ITPK1: variants seen among roughly 807,000 people sequenced by gnomAD.
ITPK1 encodes the protein inositol-tetrakisphosphate 1-kinase.
ITPK1 carries 21 observed loss-of-function variants against 45.3 expected under a neutral mutation model. That is an observed-to-expected ratio of 0.46 (90% CI 0.33 to 0.67). The LOEUF is 0.67. Ranked by LOEUF, ITPK1 falls within the 30% of genes least tolerant of loss-of-function variation. ITPK1 has a pLI of 0.02. For missense variants in ITPK1, 474 were observed against 573.5 expected, an observed-to-expected ratio of 0.83 and a Z score of 1.77; for synonymous variants, 258 against 253.6, an observed-to-expected ratio of 1.02 and a Z score of -0.16.
Position 92,946,464 on chromosome 14 carries a change from C to T in ITPK1, c.768G>A (p.Arg256=), listed in dbSNP as rs141695666. 8.1e-6 allele frequency: 13 copies of T among 1,612,712 alleles called. No individual in the cohort carries two copies. In the African/African-American group the frequency reaches 1.7e-4, roughly 22 times the overall value. ...ELDKIEGVFE[R]PSDEVIRELS... is the part of the protein sequence containing the mutation. ...GCTCCCGGATGACCTCGTCGCTCGG[C>T]CGCTCGAACACGCCCTCGATCTTGT... Residue 256 remains arginine (R), a synonymous_variant, in exon 10 of 11, where the codon CGG becomes CGA. Transcript: ENST00000267615.
At chr14:93,066,174 A>C (rs1890735579) in intron 3 of ITPK1, 1 of 448,244 alleles carries the variant, frequency 2.2e-6, no homozygotes. Context: ...CTCAGTCCTT[A>C]ATTCACTCAC....
At chr14:93,111,553 A>C (rs895282282) in intron 2 of ITPK1, among the ~76,000 whole-genome samples, 1 of 152,034 alleles carries the variant, frequency 6.6e-6, no homozygotes, top group Non-Finnish European at 1.5e-5. Flanking sequence ...TCCACTAAAA[A>C]TACAAAAATT....
chr14:93,018,917 C>T (rs1435764924), intron 3 of ITPK1, among the ~76,000 whole-genome samples: 1 of 152,232 alleles, frequency 6.6e-6, no homozygotes, highest in African/African-American at 2.4e-5. Context: ...CTGGGCTCAC[C>T]ATCCCCTGGG....
rs542886800 is a variant in ITPK1 at position 93,053,748 on chromosome 14, A to G, written c.120+22847T>C. 8.5e-5 allele frequency among the ~76,000 whole-genome samples: 13 copies of G among 152,338 alleles called. 1 individual carries two copies. In the South Asian group the frequency reaches 2.5e-3, roughly 29 times the overall value. ...CTGCATGTGTGTCAGGGTAGGGCAG[A>G]TACGGGAAGTCTCTGCACCTTCCTC... On this transcript the variant is annotated intron_variant, in intron 3 of 10. Transcript: ENST00000267615.
intron 2 of ITPK1, among the ~76,000 whole-genome samples, chr14:93,108,856 T>C (rs548942697): frequency 1.3e-5 from 2 of 152,178 alleles, no homozygotes; most frequent in Admixed American, 6.5e-5. Context: ...CTACTAAAAA[T>C]AGAAAAATTA....
intron 2 of ITPK1, among the ~76,000 whole-genome samples, chr14:93,083,592 G>A (rs1891529900): frequency 6.6e-6 from 1 of 152,118 alleles, no homozygotes; most frequent in African/African-American, 2.4e-5. Context: ...GCACCTCCAG[G>A]TACCAGGCAC....
At position 92,941,136 on chromosome 14, in the gene ITPK1, T is replaced by C. The variant is rs11160096; in HGVS notation, c.*425A>G. The stretch of plus-strand genomic sequence containing the variant: ...AGGCAGAAGGGAAGCCACTCTCACA[T>C]GCACCGATCAGCCTCCCACAGCCCG... On this transcript the variant is annotated 3_prime_UTR_variant, in exon 11 of 11. Coordinates refer to ENST00000267615, the MANE Select transcript of ITPK1 (RefSeq NM_014216.6). 0.77 allele frequency: 936,870 copies of C among 1,212,068 alleles called. 363,076 individuals are homozygous for C. The highest frequency in any genetic ancestry group is 0.93 in the East Asian group (17,319 of 18,598). 75.1% of individuals were successfully genotyped at this position (1,212,068 alleles called of 1,614,324 possible). A position where few individuals can be genotyped will look rare whatever the true frequency, so the allele number is the denominator to read the frequency against.
intron 2 of ITPK1, among the ~76,000 whole-genome samples, chr14:93,101,210 A>T (rs532478896): frequency 2.0e-5 from 3 of 152,318 alleles, no homozygotes; most frequent in Admixed American, 2.0e-4. Flanking sequence ...CGAAGCTGTC[A>T]GCCCAAAGCT....
chr14:93,054,696 G>A (rs866509703), intron 3 of ITPK1, among the ~76,000 whole-genome samples: 1 of 152,172 alleles, frequency 6.6e-6, no homozygotes, highest in African/African-American at 2.4e-5. Flanking sequence ...GAGAGCTTCA[G>A]GAGGGGCGGT....
intron 3 of ITPK1, among the ~76,000 whole-genome samples, chr14:93,030,429 T>G (rs1888978285): frequency 6.6e-6 from 1 of 152,024 alleles, no homozygotes; most frequent in Non-Finnish European, 1.5e-5. Context: ...TTCTTTTCTT[T>G]CTTTCATTCA....
rs764722690 is a variant in ITPK1 at position 92,941,827 on chromosome 14, T to C, written c.979A>G (p.Met327Val). The C allele has an allele frequency of 5.1e-5, 82 of 1,612,034 alleles. 2 individuals carry two copies. In the South Asian group the frequency reaches 7.7e-4, roughly 15 times the overall value. ...AGGGCCACGTCCCCTGTGGCTGCCATGGCTGTGCTCTGGCCCTGCAGGACA... is the reference window on the plus strand; with the variant it reads ...AGGGCCACGTCCCCTGTGGCTGCCACGGCTGTGCTCTGGCCCTGCAGGACA... ...ATVLQGQSTA[M>V]AATGDVALLR... is the part of the protein sequence containing the mutation. The change falls in exon 11 of 11, where the codon ATG becomes GTG. Residue 327 changes from methionine (M) to valine (V), a missense_variant. By Grantham distance (21) the Met-to-Val change is conservative (BLOSUM62 1). This residue lies in a region of ITPK1 where 367 missense variants were observed against 480.6 expected (regional missense o/e 0.76). Coordinates refer to ENST00000267615, the MANE Select transcript of ITPK1 (RefSeq NM_014216.6).
intron 10 of ITPK1, among the ~76,000 whole-genome samples, 183 bp from the exon 11 acceptor site, chr14:92,942,087 T>C (rs1887457370): frequency 6.6e-6 from 1 of 152,138 alleles, no homozygotes; most frequent in South Asian, 2.1e-4. Flanking sequence ...TCAAAAAGCT[T>C]GGACGCCCAA....
rs149842054 is a variant in ITPK1, at chr14:92,955,437, C to T, written c.670+2764G>A. Among the ~76,000 whole-genome samples the T allele has an allele frequency of 9.0e-3, 1,375 of 152,210 alleles. 16 individuals are homozygous for T. The highest frequency in any genetic ancestry group is 0.031 in the African/African-American group (1,286 of 41,520). ...CTGCGCTGCGTCCTCAGGGTAAAGA[C>T]GAGCAAGAAATAAACCCACTCTATA... On this transcript the variant is annotated intron_variant, in intron 8 of 10. Coordinates refer to ENST00000267615, the MANE Select transcript of ITPK1 (RefSeq NM_014216.6).
chr14:93,061,583 C>A (rs536570006), intron 3 of ITPK1, among the ~76,000 whole-genome samples: 1 of 152,198 alleles, frequency 6.6e-6, no homozygotes, highest in South Asian at 2.1e-4. Flanking sequence ...GATAACACAG[C>A]ATTCAAATCT....
rs11160096 is a variant in ITPK1 at position 92,941,136 on chromosome 14, T to A, written c.*425A>T. 2 of 1,212,580 alleles carry A rather than the reference T, an allele frequency of 1.6e-6. No homozygotes were observed. The highest frequency in any genetic ancestry group is 2.1e-6 in the Non-Finnish European group (2 of 957,892). 75.1% of individuals were successfully genotyped at this position (1,212,580 alleles called of 1,614,324 possible). A position where few individuals can be genotyped will look rare whatever the true frequency, so the allele number is the denominator to read the frequency against. ...AGGCAGAAGGGAAGCCACTCTCACATGCACCGATCAGCCTCCCACAGCCCG... is the reference window on the plus strand; with the variant it reads ...AGGCAGAAGGGAAGCCACTCTCACAAGCACCGATCAGCCTCCCACAGCCCG... On this transcript the variant is annotated 3_prime_UTR_variant, in exon 11 of 11. Transcript: ENST00000267615.
chr14:93,026,256 T>C (rs1332024584), intron 3 of ITPK1, among the ~76,000 whole-genome samples: 1 of 152,212 alleles, frequency 6.6e-6, no homozygotes, highest in African/African-American at 2.4e-5. Flanking sequence ...AAATGACTAA[T>C]CTCTCTCAAA....
Position 93,115,266 on chromosome 14 carries a change from C to T in ITPK1, c.-103G>A, listed in dbSNP as rs1338822740. 2.8e-6 allele frequency: 2 copies of T among 710,278 alleles called. No homozygotes were observed. Among genetic ancestry groups the T allele is most frequent in the African/African-American group, 1.9e-5 (1 of 53,108 alleles). 44.0% of individuals were successfully genotyped at this position (710,278 alleles called of 1,614,324 possible). A position where few individuals can be genotyped will look rare whatever the true frequency, so the allele number is the denominator to read the frequency against. ...GCGAGTGGGCACCTCCTCCCGGCGG[C>T]GGGGACGCGGAACGGGGATCGGAGC... On this transcript the variant is annotated 5_prime_UTR_variant, in exon 2 of 11. Transcript: ENST00000267615.
Position 93,036,586 on chromosome 14 carries a change from G to A in ITPK1, c.121-19785C>T, listed in dbSNP as rs868423464. ...CCCCTAACCCCCAGCCACTCTCCCCGGCGTTCTGTGGCCCACACCCCTCAT... is the reference window on the plus strand; with the variant it reads ...CCCCTAACCCCCAGCCACTCTCCCCAGCGTTCTGTGGCCCACACCCCTCAT... On this transcript the variant is annotated intron_variant, in intron 3 of 10. Coordinates refer to ENST00000267615, the MANE Select transcript of ITPK1 (RefSeq NM_014216.6). This position sits in a 1 kb window ranked among gnomAD's most constrained non-coding sequence, Gnocchi z 4.1. 4.0e-5 allele frequency among the ~76,000 whole-genome samples: 6 copies of A among 148,264 alleles called. No individual in the cohort carries two copies. The highest frequency in any genetic ancestry group is 6.7e-5 in the Admixed American group (1 of 14,864).
rs775848492 is a variant in ITPK1, at chr14:93,034,326, G to A, written c.121-17525C>T. On this transcript the variant is annotated intron_variant, in intron 3 of 10. Coordinates refer to ENST00000267615, the MANE Select transcript of ITPK1 (RefSeq NM_014216.6). This position sits in a 1 kb window ranked among gnomAD's most constrained non-coding sequence, Gnocchi z 4.1. ...CTCTGGAAAACCTACCCTGACCAGA[G>A]GCAAAGTGACTGGGCTCACAAAATG... Among the ~76,000 whole-genome samples the A allele has an allele frequency of 3.3e-5, 5 of 151,062 alleles. No homozygotes were observed. The highest frequency in any genetic ancestry group is 1.2e-4 in the African/African-American group (5 of 40,988).
Sources: allele counts gnomAD v4.1 joint callset (sites outside exome capture counted in the v4.1 genomes callset), GRCh38; gene constraint gnomAD v4.1.1; regional missense constraint gnomAD v4.1.1; non-coding constraint Gnocchi (gnomAD v3.1); transcripts MANE v1.5; gene names NCBI Gene and HGNC (gene_info 2026-07-23, HGNC 2026-07-21).